PRR5: variants seen among roughly 807,000 people sequenced by gnomAD.
The protein encoded by PRR5 is proline-rich protein 5.
A neutral mutation model predicts 30.6 loss-of-function variants in PRR5; 25 were observed. The ratio of observed to expected loss-of-function variants is 0.82; its 90% CI spans 0.60 to 1.14. PRR5 has a LOEUF of 1.14. Among genes scored for constraint, PRR5 ranks in the 50% most tolerant of loss-of-function variants. The pLI, the probability that PRR5 is intolerant of heterozygous loss-of-function variation, is 0.00. For missense variants in PRR5, 600 were observed against 547.1 expected, an observed-to-expected ratio of 1.10 and a Z score of -0.96; for synonymous variants, 286 against 247.1, an observed-to-expected ratio of 1.16 and a Z score of -1.48.
chr22:44,722,600 CTT>C (rs1297385457), intron 2 of PRR5, among the ~76,000 whole-genome samples: 1 of 152,200 alleles, frequency 6.6e-6, no homozygotes, highest in African/African-American at 2.4e-5. Flanking sequence ...CAGCCTACAG[CTT>C]CTCCAGGAAT....
intron 1 of PRR5, among the ~76,000 whole-genome samples, chr22:44,712,260 A>G (rs982079454): frequency 1.3e-5 from 2 of 152,170 alleles, no homozygotes; most frequent in African/African-American, 4.8e-5. Flanking sequence ...AGGGATACGT[A>G]TCTGGCGTGA....
intron 1 of PRR5, among the ~76,000 whole-genome samples, chr22:44,677,622 G>A (rs748055505): frequency 5.9e-5 from 9 of 152,172 alleles, no homozygotes; most frequent in Admixed American, 1.3e-4. Flanking sequence ...CCCTGGCCAC[G>A]GGCCAGCGCT....
intron 2 of PRR5, among the ~76,000 whole-genome samples, chr22:44,721,426 T>C (rs1420413365): frequency 2.0e-5 from 3 of 152,084 alleles, no homozygotes; most frequent in African/African-American, 7.2e-5. Flanking sequence ...AAACATCCGA[T>C]TGGTTGTGGA....
upstream of PRR5, among the ~76,000 whole-genome samples, chr22:44,676,067 T>C (rs1601943447): frequency 6.7e-6 from 1 of 150,074 alleles, no homozygotes; most frequent in East Asian, 1.9e-4. Context: ...CCTGGGAAAG[T>C]GAAAAGAAAA....
chr22:44,690,934 C>T (rs1402273630), intron 1 of PRR5, among the ~76,000 whole-genome samples: 2 of 152,020 alleles, frequency 1.3e-5, no homozygotes, highest in East Asian at 3.9e-4. Flanking sequence ...ACTGGAGGGT[C>T]TTGGATGCCA....
chr22:44,702,741 A>G (rs1926538637), intron 1 of PRR5, 133 bp downstream of exon 1: 1 of 1,196,704 alleles, frequency 8.4e-7, no homozygotes, highest in Non-Finnish European at 1.0e-6. Context: ...CAGTTTGCAA[A>G]GAACTTGCCC....
In PRR5 at chr22:44,679,972, G is replaced by A. The variant is rs962987945; in HGVS notation, c.-11+2732G>A. Reference sequence around the variant, plus strand: ...TGTGGCTGGAGGCTTAGGGAAAGGTGAGTAGGACGGCGAGAGACCCACGGG... The same window carrying A: ...TGTGGCTGGAGGCTTAGGGAAAGGTAAGTAGGACGGCGAGAGACCCACGGG... On this transcript the variant is annotated intron_variant, in intron 1 of 8. Coordinates refer to the PRR5 transcript ENST00000006251. The A allele has an allele frequency of 2.1e-5, 27 of 1,293,606 alleles. No homozygotes were observed. The Admixed American group carries it at 2.7e-4, about 13-fold the overall frequency. 80.1% of individuals were successfully genotyped at this position (1,293,606 alleles called of 1,614,324 possible). A position where few individuals can be genotyped will look rare whatever the true frequency, so the allele number is the denominator to read the frequency against.
At chr22:44,728,176 A>G (rs774648172) in intron 4 of PRR5, among the ~76,000 whole-genome samples, 1 of 152,084 alleles carries the variant, frequency 6.6e-6, no homozygotes, top group Admixed American at 6.5e-5. Context: ...GAGGCCCAGC[A>G]TCCTCTTCTG....
At position 44,702,255 on chromosome 22, in the gene PRR5, T is replaced by G; in HGVS notation, c.-220T>G. 3.5e-6 allele frequency: 4 copies of G among 1,136,366 alleles called. No individual in the cohort carries two copies. Among genetic ancestry groups the G allele is most frequent in the Non-Finnish European group, 3.2e-6 (3 of 926,068 alleles). The allele number at this position is 1,136,366 out of a possible 1,614,324, so 70.4% of individuals were successfully genotyped here. On this transcript the variant is annotated 5_prime_UTR_variant, in exon 1 of 8. Transcript: ENST00000336985. ...TGGCCGCGCGCCTGGCGCTCCACGC[T>G]GAGCCTCTCCGTGCAATGATTAACC... is the stretch of plus-strand genomic sequence containing the variant.
intron 4 of PRR5, among the ~76,000 whole-genome samples, chr22:44,728,915 C>T (rs1301001005): frequency 4.6e-5 from 7 of 152,142 alleles, no homozygotes; most frequent in Admixed American, 2.0e-4. Flanking sequence ...GAGGAGTGGC[C>T]TTGAGGTGGA....
chr22:44,676,116 G>T (rs2349639), upstream of PRR5, among the ~76,000 whole-genome samples: 2,175 of 152,088 alleles, frequency 0.014, 29 homozygotes, highest in Middle Eastern at 0.065. Flanking sequence ...GGGCGCAGTG[G>T]CTCATGTCAG....
At chr22:44,696,317 A>G (rs1272157888) in intron 1 of PRR5, among the ~76,000 whole-genome samples, 1 of 152,172 alleles carries the variant, frequency 6.6e-6, no homozygotes, top group Non-Finnish European at 1.5e-5. Flanking sequence ...GCCATCCTCG[A>G]GCTTGGACAG....
At chr22:44,727,827 A>G (rs1921136664) in intron 4 of PRR5, among the ~76,000 whole-genome samples, 1 of 152,206 alleles carries the variant, frequency 6.6e-6, no homozygotes, top group Non-Finnish European at 1.5e-5. Flanking sequence ...GGGTGGGGCC[A>G]GCCAAGACAG....
intron 3 of PRR5, among the ~76,000 whole-genome samples, chr22:44,726,293 C>A (rs934676405): frequency 3.9e-5 from 6 of 152,256 alleles, no homozygotes; most frequent in African/African-American, 1.4e-4. Flanking sequence ...CAGGCTTCTG[C>A]CTGCCCAGCT....
upstream of PRR5, among the ~76,000 whole-genome samples, chr22:44,673,327 G>T (rs1022217076): frequency 1.3e-5 from 2 of 152,224 alleles, no homozygotes; most frequent in Non-Finnish European, 2.9e-5. Context: ...TTTCTGCCCT[G>T]CATAGCTCCT....
upstream of PRR5, among the ~76,000 whole-genome samples, chr22:44,699,554 T>C (rs1034267153): frequency 1.4e-4 from 22 of 152,246 alleles, no homozygotes; most frequent in Non-Finnish European, 3.2e-4. Flanking sequence ...TTTATTCTTA[T>C]GAGATAAATG....
At chr22:44,729,194 C>A in intron 4 of PRR5, 1 of 682,790 alleles carries the variant, frequency 1.5e-6, no homozygotes, top group Non-Finnish European at 1.8e-6. Context: ...TGTGCCTCGG[C>A]CGTCCCCGCG....
intron 1 of PRR5, among the ~76,000 whole-genome samples, chr22:44,710,104 G>A (rs1417502569): frequency 6.6e-6 from 1 of 152,060 alleles, no homozygotes; most frequent in East Asian, 1.9e-4. Flanking sequence ...AGCAGCCAAA[G>A]GGAGGCCATG....
intron 1 of PRR5, among the ~76,000 whole-genome samples, chr22:44,671,642 C>T (rs1008954530): frequency 1.4e-4 from 22 of 152,088 alleles, no homozygotes; most frequent in African/African-American, 5.3e-4. Context: ...GGAAAATTGC[C>T]TAAGCTCCCT....
Sources: allele counts gnomAD v4.1 joint callset (sites outside exome capture counted in the v4.1 genomes callset), GRCh38; gene constraint gnomAD v4.1.1; transcripts MANE v1.5; gene names NCBI Gene and HGNC (gene_info 2026-07-23, HGNC 2026-07-21).